The following LDLRAD4 variants were observed in gnomAD, a reference collection of about 807,000 sequenced individuals.
The protein encoded by LDLRAD4 is low density lipoprotein receptor class A domain containing 4.
In LDLRAD4, 5 loss-of-function variants were observed where a neutral mutation model predicts 17.0. The ratio of observed to expected loss-of-function variants is 0.29; its 90% CI spans 0.15 to 0.62. The LOEUF is 0.62. Ranked by LOEUF, LDLRAD4 falls within the 20% of genes least tolerant of loss-of-function variation. The pLI is 0.84. For synonymous variants in LDLRAD4, 168 were observed against 171.8 expected (o/e 0.98, Z 0.17); for missense variants, 340 against 424.7 (o/e 0.80, Z 1.75).
intron 4 of LDLRAD4, among the ~76,000 whole-genome samples, chr18:13,624,752 G>C (rs1355085913): frequency 2.6e-5 from 4 of 152,222 alleles, no homozygotes; most frequent in African/African-American, 9.6e-5. Flanking sequence ...GCTTGGAAGG[G>C]GCTGGGAAGG....
rs566391982 is a variant in LDLRAD4, at chr18:13,452,508, C to T, written c.181+14124C>T. On this transcript the variant is annotated intron_variant, in intron 3 of 5. Transcript: ENST00000359446. ...CGAGCCTAGAGAGTGGAGATGTGGACGGAAGAACTCCAGTGCACAGGAGGA... is the reference window on the plus strand; with the variant it reads ...CGAGCCTAGAGAGTGGAGATGTGGATGGAAGAACTCCAGTGCACAGGAGGA... Among the ~76,000 whole-genome samples, 9 of 152,096 alleles carry T rather than the reference C, an allele frequency of 5.9e-5. No individual in the cohort carries two copies. In the East Asian group the frequency reaches 1.2e-3, roughly 20 times the overall value.
At chr18:13,252,627 C>T (rs1200448215) in intron 1 of LDLRAD4, among the ~76,000 whole-genome samples, 2 of 152,228 alleles carry the variant, frequency 1.3e-5, no homozygotes, top group African/African-American at 2.4e-5. Flanking sequence ...ACCCTGGGAA[C>T]TCGGTGGTGC....
chr18:13,634,148 A>G (rs2041896502), intron 4 of LDLRAD4, among the ~76,000 whole-genome samples: 1 of 152,250 alleles, frequency 6.6e-6, no homozygotes. Context: ...AAGACCGGGA[A>G]CAAGACAAGG....
Position 13,458,062 on chromosome 18 carries a change from C to G in LDLRAD4, c.181+19678C>G, listed in dbSNP as rs554333767. On this transcript the variant is annotated intron_variant, in intron 3 of 5. Transcript: ENST00000359446. ...TTTCCTAATGGTGAGTTCGGTAGGC[C>G]AATTCATTTCTTGCTGAAAAGTGTG... Among the ~76,000 whole-genome samples the G allele has an allele frequency of 1.6e-4, 24 of 152,226 alleles. No homozygotes were observed. The South Asian group carries it at 3.3e-3, about 21-fold the overall frequency.
intron 3 of LDLRAD4, among the ~76,000 whole-genome samples, chr18:13,465,828 G>A (rs1403060002): frequency 6.6e-6 from 1 of 152,164 alleles, no homozygotes; most frequent in Non-Finnish European, 1.5e-5. Context: ...GTGGACATGT[G>A]TATAAACCGT....
rs535357002 is a variant in LDLRAD4 at position 13,549,171 on chromosome 18, G to A, written c.182-71946G>A. Reference sequence around the variant, plus strand: ...TGATGTTTCAGAAAAGCTGTGTAAAGATGAGAAATATTTGCATCCAGACAC... The same window carrying A: ...TGATGTTTCAGAAAAGCTGTGTAAAAATGAGAAATATTTGCATCCAGACAC... On this transcript the variant is annotated intron_variant, in intron 3 of 5. Coordinates refer to ENST00000359446, the Ensembl canonical transcript of LDLRAD4. Among the ~76,000 whole-genome samples, 7 of 152,338 alleles carry A rather than the reference G, an allele frequency of 4.6e-5. No individual in the cohort carries two copies. In the South Asian group the frequency reaches 1.4e-3, roughly 32 times the overall value.
At chr18:13,258,734 A>G (rs564103792) in intron 1 of LDLRAD4, among the ~76,000 whole-genome samples, 1 of 152,330 alleles carries the variant, frequency 6.6e-6, no homozygotes, top group East Asian at 1.9e-4. Flanking sequence ...ATTTAGGTCA[A>G]TGATGTTTCT....
chr18:13,387,840 GAACCTAC>G, intron 2 of LDLRAD4, 78 bp downstream of exon 3: 8 of 1,319,232 alleles, frequency 6.1e-6, no homozygotes, highest in Admixed American at 1.7e-5. Flanking sequence ...TGCATGCAGT[GAACCTAC>G]CTTTGCAGTC....
chr18:13,618,281 G>A (rs969810371), intron 3 of LDLRAD4, among the ~76,000 whole-genome samples: 1 of 152,214 alleles, frequency 6.6e-6, no homozygotes, highest in Non-Finnish European at 1.5e-5. Flanking sequence ...CACATGCAAC[G>A]GAGGCCTGGG....
chr18:13,606,248 C>T (rs781620317), intron 3 of LDLRAD4, among the ~76,000 whole-genome samples: 13 of 152,176 alleles, frequency 8.5e-5, no homozygotes, highest in Non-Finnish European at 1.8e-4. Context: ...CAGGCACAAA[C>T]CCACTTAGGA....
At chr18:13,288,046 A>G (rs2045732784) in intron 1 of LDLRAD4, among the ~76,000 whole-genome samples, 1 of 152,244 alleles carries the variant, frequency 6.6e-6, no homozygotes, top group Non-Finnish European at 1.5e-5. Flanking sequence ...TGATCACTCT[A>G]TTCCGTGAAG....
chr18:13,552,365 C>G (rs1411440997), intron 3 of LDLRAD4, among the ~76,000 whole-genome samples: 1 of 152,258 alleles, frequency 6.6e-6, no homozygotes, highest in African/African-American at 2.4e-5. Context: ...CTGCATGTCA[C>G]TTCTTTCAAG....
chr18:13,404,744 G>A (rs1263549178), intron 2 of LDLRAD4, among the ~76,000 whole-genome samples: 1 of 151,642 alleles, frequency 6.6e-6, no homozygotes, highest in Non-Finnish European at 1.5e-5. Flanking sequence ...CTTGCAGTGA[G>A]CCGAGATCGT....
At chr18:13,550,370 A>T (rs1203487670) in intron 3 of LDLRAD4, among the ~76,000 whole-genome samples, 1 of 151,972 alleles carries the variant, frequency 6.6e-6, no homozygotes, top group Non-Finnish European at 1.5e-5. Flanking sequence ...AAAACCTTCA[A>T]CTGGTTGGTG....
chr18:13,572,188 C>T lies in LDLRAD4; in HGVS notation c.182-48929C>T, dbSNP rs143204715. Among the ~76,000 whole-genome samples the T allele has an allele frequency of 2.5e-4, 38 of 152,354 alleles. No individual in the cohort carries two copies. The East Asian group carries it at 2.9e-3, about 12-fold the overall frequency. ...ACAGTTGCAGTTTACATGAACCTAT[C>T]GGCAGCCTTAAGTGAGCATGTACTA... is the stretch of plus-strand genomic sequence containing the variant. On this transcript the variant is annotated intron_variant, in intron 3 of 5. Transcript: ENST00000359446.
At chr18:13,511,484 C>T (rs2093777908) in intron 3 of LDLRAD4, among the ~76,000 whole-genome samples, 1 of 152,150 alleles carries the variant, frequency 6.6e-6, no homozygotes, top group Non-Finnish European at 1.5e-5. Context: ...TGCACTCCAG[C>T]CTGGGTGACA....
chr18:13,555,581 A>G (rs969188384), intron 3 of LDLRAD4, among the ~76,000 whole-genome samples: 16 of 152,256 alleles, frequency 1.1e-4, no homozygotes, highest in East Asian at 3.8e-4. Context: ...AATGCAAACT[A>G]TAAGTGTCTA....
At chr18:13,224,153 G>C (rs1267489070) in intron 1 of LDLRAD4, among the ~76,000 whole-genome samples, 1 of 152,194 alleles carries the variant, frequency 6.6e-6, no homozygotes, top group African/African-American at 2.4e-5. Context: ...AAGAGCCTCA[G>C]TTATGAGCAC....
chr18:13,380,950 C>A (rs1456610605), intron 1 of LDLRAD4, among the ~76,000 whole-genome samples: 1 of 150,412 alleles, frequency 6.6e-6, no homozygotes, highest in Non-Finnish European at 1.5e-5. Context: ...ATGAAAAATT[C>A]ATCACACTCC....
Sources: gnomAD v4.1 joint callset for allele counts (sites outside exome capture counted in the v4.1 genomes callset) on GRCh38, gnomAD v4.1.1 for gene constraint, MANE v1.5 for transcripts, NCBI Gene and HGNC (gene_info 2026-07-23, HGNC 2026-07-21) for gene names.